Variants in H2BC12 observed in about 807,000 individuals in gnomAD.
H2BC12 encodes the protein H2B clustered histone 12, also known as histone H2B type 1-K.
H2BC12 carries 6 observed loss-of-function variants against 6.3 expected under a neutral mutation model. The ratio of observed to expected loss-of-function variants is 0.95; its 90% CI spans 0.52 to 1.87. H2BC12 has a LOEUF of 1.87. H2BC12 is among the 40% of genes most tolerant of loss of function. H2BC12 has a pLI of 0.01. For missense variants in H2BC12, 119 were observed against 178.4 expected, an observed-to-expected ratio of 0.67 and a Z score of 1.90; for synonymous variants, 132 against 78.5, an observed-to-expected ratio of 1.68 and a Z score of -3.60.
chr6:27,146,773 G>A lies in H2BC12; in HGVS notation c.26C>T (p.Pro9Leu), dbSNP rs1311931852. MPEPAKSA[P>L]APKKGSKKAV... ...TTTCTTCGAGCCCTTCTTGGGCGCG[G>A]GAGCGGACTTCGCTGGTTCCGGCAT... Residue 9 changes from proline (P) to leucine (L), a missense_variant, in exon 1 of 1, where the codon CCC (proline) becomes CTC (leucine). Physicochemically the swap from Pro to Leu is moderately conservative, Grantham distance 98. Around this residue, in one of 2 missense-constraint regions of H2BC12, gnomAD observed 50 missense variants for 37.4 expected, o/e 1.34. Coordinates refer to ENST00000356950, the MANE Select transcript of H2BC12 (RefSeq NM_001312653.2). 7 of 1,614,182 alleles carry A rather than the reference G, an allele frequency of 4.3e-6. No individual in the cohort carries two copies. Among genetic ancestry groups the A allele is most frequent in the East Asian group, 2.2e-5 (1 of 44,882 alleles).
At chr6:27,145,499 AAACCCACCACCTAATTCT>A (rs1209157925), downstream of H2BC12, among the ~76,000 whole-genome samples, 1 of 152,002 alleles carries the variant, frequency 6.6e-6, no homozygotes, top group African/African-American at 2.4e-5. Flanking sequence ...TCACACAATA[AAACCCACCACCTAATTCT>A]AACCCACCAC....
At chr6:27,141,490 G>T (rs144730994), downstream of H2BC12, among the ~76,000 whole-genome samples, 934 of 151,914 alleles carry the variant, frequency 6.1e-3, 6 homozygotes, top group African/African-American at 0.019. Flanking sequence ...AAATTGCCCC[G>T]AACATACACT....
chr6:27,139,378 C>T, the H2BC12 span: 2 of 1,614,212 alleles, frequency 1.2e-6, no homozygotes, highest in Non-Finnish European at 1.7e-6. Context: ...CAAGGTGCTG[C>T]GCGACAACAT....
In H2BC12 at chr6:27,146,838, G is replaced by C. The variant is rs948097118; in HGVS notation, c.-40C>G. Reference sequence around the variant, plus strand: ...ACGAGCCTGAGACGAGCAGCAGATCGAGAAAACGGGAAGTAATGGGAGCAA... The same window carrying C: ...ACGAGCCTGAGACGAGCAGCAGATCCAGAAAACGGGAAGTAATGGGAGCAA... On this transcript the variant is annotated 5_prime_UTR_variant, in exon 1 of 1. Transcript: ENST00000356950. 6.2e-7 allele frequency: 1 copy of C among 1,602,386 alleles called. No homozygotes were observed. Among genetic ancestry groups the C allele is most frequent in the Non-Finnish European group, 8.5e-7 (1 of 1,174,656 alleles).
chr6:27,139,062 T>A, the H2BC12 span: 2 of 435,114 alleles, frequency 4.6e-6, no homozygotes, highest in African/African-American at 4.0e-5. Context: ...AACATTTTTG[T>A]TATGAGGCAG....
the H2BC12 span, chr6:27,139,397 TC>T: frequency 6.2e-7 from 1 of 1,614,212 alleles, no homozygotes; most frequent in Admixed American, 1.7e-5. Context: ...ATCCAGGGTA[TC>T]ACCAAGCCAG....
downstream of H2BC12, among the ~76,000 whole-genome samples, chr6:27,143,843 CTT>C (rs1383183289): frequency 1.9e-5 from 2 of 104,240 alleles, no homozygotes; most frequent in Non-Finnish European, 3.6e-5. Flanking sequence ...CTGAACTACT[CTT>C]TAAAAAAAAA....
downstream of H2BC12, among the ~76,000 whole-genome samples, chr6:27,142,549 C>A (rs770039633): frequency 1.2e-4 from 18 of 151,848 alleles, no homozygotes; most frequent in Non-Finnish European, 2.4e-4. Context: ...CAGGCTTGAG[C>A]CACTGTGCCC....
chr6:27,144,141 A>T (rs1760040162), downstream of H2BC12, among the ~76,000 whole-genome samples: 3 of 152,118 alleles, frequency 2.0e-5, no homozygotes, highest in South Asian at 6.2e-4. Flanking sequence ...AGTGATCTGA[A>T]CTTTTTGATT....
chr6:27,144,421 C>T (rs942056250), downstream of H2BC12, among the ~76,000 whole-genome samples: 51 of 128,722 alleles, frequency 4.0e-4, no homozygotes, highest in Non-Finnish European at 6.4e-4. Flanking sequence ...AAGATCTCGC[C>T]GTTGCACTCC....
Position 27,146,567 on chromosome 6 carries a change from C to T in H2BC12, c.232G>A (p.Ala78Thr), listed in dbSNP as rs753413774. 6.2e-7 allele frequency: 1 copy of T among 1,614,204 alleles called. No homozygotes were observed. Among genetic ancestry groups the T allele is most frequent in the Non-Finnish European group, 8.5e-7 (1 of 1,180,046 alleles). The change falls in exon 1 of 1, where the codon GCT becomes ACT. Residue 78 changes from alanine to threonine, a missense_variant. Physicochemically the swap from Ala to Thr is moderately conservative, Grantham distance 58. Around this residue, in one of 2 missense-constraint regions of H2BC12, gnomAD observed 69 missense variants for 141.0 expected, o/e 0.49. Transcript: ENST00000356950. Reference protein sequence around the residue: ...NDIFERIAGEASRLAHYNKRS... With the variant: ...NDIFERIAGETSRLAHYNKRS... ...TTGTTGTAATGCGCCAGGCGGGAAG[C>T]CTCACCCGCGATGCGTTCGAAGATG...
the H2BC12 span, chr6:27,139,828 G>T: frequency 1.3e-6 from 1 of 791,580 alleles, no homozygotes; most frequent in Non-Finnish European, 1.9e-6. Flanking sequence ...TCCAAGGCCA[G>T]AAGAGCCTCT....
downstream of H2BC12, among the ~76,000 whole-genome samples, chr6:27,145,652 A>C (rs779057239): frequency 8.5e-5 from 13 of 152,094 alleles, no homozygotes; most frequent in Non-Finnish European, 1.5e-5. Flanking sequence ...CTTGCTTTTC[A>C]TTTTCCTTTT....
downstream of H2BC12, among the ~76,000 whole-genome samples, chr6:27,142,268 AACTTTTTT>A (rs1760015179): frequency 6.6e-6 from 1 of 152,098 alleles, no homozygotes; most frequent in Admixed American, 6.6e-5. Flanking sequence ...TATTAAAATT[AACTTTTTT>A]AACTTTTTTT....
downstream of H2BC12, among the ~76,000 whole-genome samples, chr6:27,144,983 C>T (rs1208409651): frequency 2.0e-5 from 3 of 152,016 alleles, no homozygotes; most frequent in African/African-American, 4.8e-5. Flanking sequence ...TTAGTAGAGA[C>T]GGGGTTTCAC....
the H2BC12 span, chr6:27,138,555 C>T: frequency 6.6e-6 from 1 of 152,198 alleles, no homozygotes; most frequent in African/African-American, 2.4e-5. Context: ...TGGAAAAGTC[C>T]ATCTAGGTAT....
At chr6:27,144,941 A>T (rs914526479), downstream of H2BC12, among the ~76,000 whole-genome samples, 1 of 152,034 alleles carries the variant, frequency 6.6e-6, no homozygotes, top group Non-Finnish European at 1.5e-5. Context: ...CTACGGGCAC[A>T]TGCTACCACG....
chr6:27,139,484 T>C, the H2BC12 span: 1 of 1,614,086 alleles, frequency 6.2e-7, no homozygotes, highest in East Asian at 2.2e-5. Flanking sequence ...CGCGGAGTGT[T>C]GAAGGTGTTC....
downstream of H2BC12, among the ~76,000 whole-genome samples, chr6:27,144,542 G>A (rs535033506): frequency 1.4e-4 from 20 of 144,930 alleles, no homozygotes; most frequent in Non-Finnish European, 2.7e-4. Flanking sequence ...GGGTGAGGGT[G>A]AAAGCAGGAG....
Sources: gnomAD v4.1 joint callset for allele counts (sites outside exome capture counted in the v4.1 genomes callset) on GRCh38, gnomAD v4.1.1 for gene constraint, gnomAD v4.1.1 regional missense constraint, MANE v1.5 for transcripts, NCBI Gene and HGNC (gene_info 2026-07-23, HGNC 2026-07-21) for gene names.